TNNT3: variants seen among roughly 807,000 people sequenced by gnomAD.
TNNT3 encodes the protein troponin T, fast skeletal muscle.
Under a neutral mutation model 54.2 loss-of-function variants are expected in TNNT3, and 36 were observed. That is an observed-to-expected ratio of 0.66 (90% CI 0.51 to 0.88). The LOEUF is 0.88. Among genes scored for constraint, TNNT3 ranks in the 40% least tolerant of loss-of-function variants. TNNT3 has a pLI of 0.00. For missense variants in TNNT3, 291 were observed against 331.6 expected (o/e 0.88, Z 0.95); for synonymous variants, 120 against 109.7 (o/e 1.09, Z -0.59).
intron 6 of TNNT3, among the ~76,000 whole-genome samples, chr11:1,926,983 G>T (rs1367473734): frequency 6.6e-6 from 1 of 152,180 alleles, no homozygotes; most frequent in African/African-American, 2.4e-5. Context: ...GGTGGGAGGT[G>T]GGGGTGGCCA....
intron 14 of TNNT3, chr11:1,936,137 C>G: frequency 6.4e-7 from 1 of 1,557,016 alleles, no homozygotes; most frequent in Non-Finnish European, 8.8e-7. Flanking sequence ...GGGCCATCAC[C>G]AGGCCAAGCT....
chr11:1,923,015 C>CTCTT, intron 2 of TNNT3, 33 bp from the exon 3 acceptor site: 1 of 1,613,926 alleles, frequency 6.2e-7, no homozygotes, highest in Non-Finnish European at 8.5e-7. Flanking sequence ...CTACCTCTCT[C>CTCTT]TCTTTCTTTC....
intron 5 of TNNT3, 74 bp from the exon 6 acceptor site, chr11:1,926,621 C>T (rs962944282): frequency 6.2e-6 from 10 of 1,611,162 alleles, no homozygotes; most frequent in Non-Finnish European, 5.1e-6. Context: ...CCGCCCTCCT[C>T]TCTGCGCTGC....
intron 14 of TNNT3, chr11:1,935,353 C>T (rs1453265668): frequency 6.5e-6 from 2 of 308,662 alleles, no homozygotes; most frequent in South Asian, 3.0e-5. Context: ...CAAACCCAGA[C>T]TCTGGCTTCC....
chr11:1,929,139 G>A lies in TNNT3; in HGVS notation c.102G>A (p.Ala34=), dbSNP rs780916408. 1.7e-5 allele frequency: 28 copies of A among 1,612,888 alleles called. No individual in the cohort carries two copies. The highest frequency in any genetic ancestry group is 4.5e-5 in the East Asian group (2 of 44,886). ...TGGAAGACACCGCAGAGGAGGACGC[G>A]GAAGGTAAGGGCCCGTCCCTGCCGC... is the stretch of plus-strand genomic sequence containing the variant. ...EVQEDTAEED[A]EEEKPRPKLT... Residue 34 remains alanine (A), a synonymous_variant, in exon 7 of 16, where the codon GCG becomes GCA. Coordinates refer to ENST00000278317, the MANE Select transcript of TNNT3 (RefSeq NM_006757.4).
Position 1,927,191 on chromosome 11 carries a change from C to T in TNNT3, c.82+482C>T, listed in dbSNP as rs188709672. On this transcript the variant is annotated intron_variant, in intron 6 of 15. Coordinates refer to ENST00000278317, the MANE Select transcript of TNNT3 (RefSeq NM_006757.4). ...GGGCAAGTGGAGTGAAGCAGAAAAG[C>T]AGGCTGAGGCCCAAGGTGGGGACGC... Among the ~76,000 whole-genome samples the T allele has an allele frequency of 9.2e-4, 140 of 152,310 alleles. 2 individuals are homozygous for T. The highest frequency in any genetic ancestry group is 3.2e-3 in the African/African-American group (134 of 41,566).
chr11:1,927,413 G>C (rs1030302379), intron 6 of TNNT3, among the ~76,000 whole-genome samples: 1 of 152,190 alleles, frequency 6.6e-6, no homozygotes, highest in African/African-American at 2.4e-5. Context: ...GCCCCAGCTG[G>C]GGAGTGCTTC....
chr11:1,929,475 C>T (rs1041413252), intron 7 of TNNT3, among the ~76,000 whole-genome samples: 1 of 152,214 alleles, frequency 6.6e-6, no homozygotes, highest in Non-Finnish European at 1.5e-5. Context: ...ATCTTCTTCC[C>T]GAGCCCCTGT....
intron 10 of TNNT3, 31 bp downstream of exon 10, chr11:1,933,868 G>T: frequency 1.2e-6 from 2 of 1,612,042 alleles, no homozygotes; most frequent in Non-Finnish European, 1.7e-6. Flanking sequence ...TGCAGCAGGG[G>T]CTGGTGGACT....
intron 15 of TNNT3, chr11:1,938,164 T>C (rs1040481606): frequency 1.9e-6 from 1 of 523,372 alleles, no homozygotes; most frequent in African/African-American, 1.9e-5. Flanking sequence ...CAGGGGTCTG[T>C]CTGCAGTGGT....
At chr11:1,926,463 C>A (rs199809368) in intron 5 of TNNT3, 11 of 1,613,086 alleles carry the variant, frequency 6.8e-6, no homozygotes, top group Non-Finnish European at 9.3e-6. Context: ...CTCCTTGGCC[C>A]GTGAAGTTCA....
intron 7 of TNNT3, 41 bp downstream of exon 7, chr11:1,929,184 C>A (rs763128647): frequency 2.5e-6 from 4 of 1,609,694 alleles, no homozygotes; most frequent in Admixed American, 1.7e-5. Flanking sequence ...AGGACCCTGG[C>A]TCTAGCCGAC....
Position 1,933,991 on chromosome 11 carries a change from C to T in TNNT3, c.349C>T (p.Arg117Cys), listed in dbSNP as rs147447477. The T allele has an allele frequency of 2.3e-5, 37 of 1,612,226 alleles. No homozygotes were observed. The African/African-American group carries it at 3.6e-4, about 16-fold the overall frequency. The part of the protein sequence containing the change: ...QRIRAEKERE[R>C]QNRLAEEKAR... Reference sequence around the variant, plus strand: ...GATTCGTGCAGAGAAGGAGAGGGAGCGCCAGAACAGACTGGCGGTGAGGGC... The same window carrying T: ...GATTCGTGCAGAGAAGGAGAGGGAGTGCCAGAACAGACTGGCGGTGAGGGC... The change falls in exon 11 of 16, where the codon CGC (arginine) becomes TGC (cysteine). Residue 117 changes from arginine to cysteine, a missense_variant. Physicochemically the swap from Arg to Cys is radical, Grantham distance 180. Transcript: ENST00000278317.
At chr11:1,925,937 G>C (rs1031458250) in intron 5 of TNNT3, among the ~76,000 whole-genome samples, 1 of 152,132 alleles carries the variant, frequency 6.6e-6, no homozygotes, top group African/African-American at 2.4e-5. Context: ...ATCAGGGAAA[G>C]AACGAGTGGG....
chr11:1,931,477 T>C (rs767167555), intron 8 of TNNT3, among the ~76,000 whole-genome samples: 4 of 152,238 alleles, frequency 2.6e-5, no homozygotes, highest in Non-Finnish European at 4.4e-5. Flanking sequence ...CTCTGATGGA[T>C]GAGAAACGGC....
At chr11:1,932,650 C>A in intron 9 of TNNT3, 136 bp downstream of exon 9, 1 of 808,666 alleles carries the variant, frequency 1.2e-6, no homozygotes, top group Non-Finnish European at 2.1e-6. Flanking sequence ...TCTACCATAG[C>A]TTATTCCTGG....
At chr11:1,932,843 CCCAT>C (rs71025793) in intron 9 of TNNT3, among the ~76,000 whole-genome samples, 25 of 142,494 alleles carry the variant, frequency 1.8e-4, no homozygotes, top group African/African-American at 2.4e-4. Flanking sequence ...CACCCACCTA[CCCAT>C]CCATCCATCC....
In TNNT3 at chr11:1,923,702, C is replaced by T. The variant is rs535257707; in HGVS notation, c.49+130C>T. The T allele has an allele frequency of 1.4e-4, 99 of 706,602 alleles. No individual in the cohort carries two copies. In the African/African-American group the frequency reaches 1.7e-3, roughly 12 times the overall value. 43.8% of individuals were successfully genotyped at this position (706,602 alleles called of 1,614,324 possible). A position where few individuals can be genotyped will look rare whatever the true frequency, so the allele number is the denominator to read the frequency against. ...GCCTTGAGCTTGTCAATCAACCTTC[C>T]ATCTTCCTCATCATTAGTCACTAAC... On this transcript the variant is annotated intron_variant, in intron 4 of 15. Coordinates refer to ENST00000278317, the MANE Select transcript of TNNT3 (RefSeq NM_006757.4).
At chr11:1,936,398 C>G (rs979883343) in intron 14 of TNNT3, 6 of 935,702 alleles carry the variant, frequency 6.4e-6, no homozygotes, top group South Asian at 1.5e-5. Context: ...GCTCTCCCCT[C>G]GTGCCTGCAG....
Sources: allele counts gnomAD v4.1 joint callset (sites outside exome capture counted in the v4.1 genomes callset), GRCh38; gene constraint gnomAD v4.1.1; transcripts MANE v1.5; gene names NCBI Gene and HGNC (gene_info 2026-07-23, HGNC 2026-07-21).